Variants in PDE4D observed in about 807,000 individuals in gnomAD.
PDE4D encodes 3',5'-cyclic-AMP phosphodiesterase 4D.
Under a neutral mutation model 87.4 loss-of-function variants are expected in PDE4D, and 24 were observed. The observed-to-expected ratio is 0.27, with a 90% CI of 0.20 to 0.39. The LOEUF (loss-of-function observed/expected upper bound fraction) is 0.39, where lower values mean the gene tolerates loss of function less well. Ranked by LOEUF, PDE4D falls within the 10% of genes least tolerant of loss-of-function variation. The pLI is 1.00. For missense variants in PDE4D, 714 were observed against 1,041.0 expected, an observed-to-expected ratio of 0.69 and a Z score of 4.32; for synonymous variants, 384 against 383.2, an observed-to-expected ratio of 1.00 and a Z score of -0.02.
intron 5 of PDE4D, among the ~76,000 whole-genome samples, chr5:59,147,991 T>C (rs908029357): frequency 1.3e-5 from 2 of 152,174 alleles, no homozygotes; most frequent in Non-Finnish European, 2.9e-5. Flanking sequence ...TATAAAGTGA[T>C]TTTCAAATGT....
At chr5:59,745,364 T>C (rs1409676682) in intron 1 of PDE4D, among the ~76,000 whole-genome samples, 2 of 152,204 alleles carry the variant, frequency 1.3e-5, no homozygotes, top group Non-Finnish European at 2.9e-5. Context: ...CTTTAAAATA[T>C]ATTTCTCTTC....
chr5:59,257,164 CT>C (rs1052835626), intron 1 of PDE4D, among the ~76,000 whole-genome samples: 69 of 152,142 alleles, frequency 4.5e-4, no homozygotes, highest in African/African-American at 1.6e-3. Context: ...CATGATTTTG[CT>C]GTTTTGTGAC....
At chr5:59,409,095 C>T (rs982275240) in intron 1 of PDE4D, among the ~76,000 whole-genome samples, 1 of 151,362 alleles carries the variant, frequency 6.6e-6, no homozygotes, top group Non-Finnish European at 1.5e-5. Context: ...TTGCAGTGAG[C>T]CAAGATTGCA....
intron 5 of PDE4D, among the ~76,000 whole-genome samples, chr5:59,107,711 T>A (rs1204920902): frequency 1.3e-5 from 2 of 152,188 alleles, no homozygotes. Flanking sequence ...AAGAAGAGAA[T>A]GATATTTCAT....
At chr5:60,322,415 C>CACAA (rs139919004) in intron 1 of PDE4D, among the ~76,000 whole-genome samples, 11 of 136,196 alleles carry the variant, frequency 8.1e-5, no homozygotes, top group Admixed American at 5.0e-4. Context: ...CACACACACA[C>CACAA]AAAACCCTAA....
intron 1 of PDE4D, among the ~76,000 whole-genome samples, chr5:59,243,467 T>A: frequency 7.3e-6 from 1 of 136,898 alleles, no homozygotes; most frequent in Non-Finnish European, 1.6e-5. Flanking sequence ...TTTTTTTTTT[T>A]TTTTTTTTTG....
chr5:59,346,945 T>C (rs935852304), intron 1 of PDE4D, among the ~76,000 whole-genome samples: 4 of 152,222 alleles, frequency 2.6e-5, no homozygotes, highest in African/African-American at 9.6e-5. Flanking sequence ...TGATACTTCA[T>C]AGAACCCACA....
chr5:60,323,383 T>C (rs565084337), intron 1 of PDE4D, among the ~76,000 whole-genome samples: 1 of 152,312 alleles, frequency 6.6e-6, no homozygotes, highest in East Asian at 1.9e-4. Context: ...ATAAACTTAG[T>C]ATCAACCTTA....
At chr5:59,456,880 A>T (rs1800006870) in intron 1 of PDE4D, among the ~76,000 whole-genome samples, 1 of 152,224 alleles carries the variant, frequency 6.6e-6, no homozygotes, top group Non-Finnish European at 1.5e-5. Context: ...GTGGAGCCTG[A>T]AGATGTGACT....
chr5:60,361,509 G>A (rs1561164725), intron 1 of PDE4D, among the ~76,000 whole-genome samples: 1 of 152,112 alleles, frequency 6.6e-6, no homozygotes, highest in East Asian at 1.9e-4. Context: ...CAAAAATCAA[G>A]CAGACAAATA....
chr5:59,347,270 C>T (rs1233083825), intron 1 of PDE4D, among the ~76,000 whole-genome samples: 1 of 152,124 alleles, frequency 6.6e-6, no homozygotes, highest in African/African-American at 2.4e-5. Context: ...TCTGCCATTA[C>T]ATTCCTTTAT....
At chr5:59,457,458 G>T (rs1360340896) in intron 1 of PDE4D, among the ~76,000 whole-genome samples, 1 of 152,152 alleles carries the variant, frequency 6.6e-6, no homozygotes, top group Non-Finnish European at 1.5e-5. Context: ...AAATGTGTGT[G>T]ACTCACTTTA....
chr5:59,503,129 A>C (rs1312042275), intron 1 of PDE4D, among the ~76,000 whole-genome samples: 2 of 152,070 alleles, frequency 1.3e-5, no homozygotes, highest in Non-Finnish European at 2.9e-5. Context: ...CAGAGTAGCA[A>C]AAAAGGTTAG....
chr5:59,159,433 A>G (rs1242335419), intron 5 of PDE4D, among the ~76,000 whole-genome samples: 1 of 152,080 alleles, frequency 6.6e-6, no homozygotes, highest in Non-Finnish European at 1.5e-5. Flanking sequence ...ACACCTAGAC[A>G]GTTTCTTTTG....
At chr5:59,607,250 G>T (rs1828333002) in intron 1 of PDE4D, among the ~76,000 whole-genome samples, 1 of 152,014 alleles carries the variant, frequency 6.6e-6, no homozygotes, top group Non-Finnish European at 1.5e-5. Context: ...ATATGATTTG[G>T]CAAAGGCTGA....
intron 5 of PDE4D, among the ~76,000 whole-genome samples, chr5:59,145,296 G>C (rs1231111751): frequency 6.6e-6 from 1 of 152,084 alleles, no homozygotes; most frequent in African/African-American, 2.4e-5. Context: ...ATTAAACCCA[G>C]GCTGGCAGGC....
intron 1 of PDE4D, among the ~76,000 whole-genome samples, chr5:60,282,770 A>C (rs1393083072): frequency 6.6e-6 from 1 of 152,120 alleles, no homozygotes; most frequent in Non-Finnish European, 1.5e-5. Flanking sequence ...CTGCAGTTCA[A>C]TCCACTACAT....
rs562045751 is a variant in PDE4D at position 60,454,846 on chromosome 5, T to C, written c.-90+33096A>G. On this transcript the variant is annotated intron_variant, in intron 1 of 16. Transcript: ENST00000502484. The stretch of plus-strand genomic sequence containing the variant: ...AAATAAAGATGGTTGGTCTTTCCCC[T>C]GGTAGATATAAACACAAAGACGAAG... Among the ~76,000 whole-genome samples, 108 of 152,002 alleles carry C rather than the reference T, an allele frequency of 7.1e-4. 1 individual carries two copies. Among genetic ancestry groups the C allele is most frequent in the African/African-American group, 2.5e-3 (102 of 41,442 alleles).
chr5:59,694,616 G>A (rs1751477164), intron 1 of PDE4D, among the ~76,000 whole-genome samples: 1 of 152,182 alleles, frequency 6.6e-6, no homozygotes, highest in Admixed American at 6.5e-5. Context: ...ACTATTAAGA[G>A]ACTCCTGATA....
Sources: allele counts gnomAD v4.1 joint callset (sites outside exome capture counted in the v4.1 genomes callset), GRCh38; gene constraint gnomAD v4.1.1; transcripts MANE v1.5; gene names NCBI Gene and HGNC (gene_info 2026-07-23, HGNC 2026-07-21).